CDH13: variants seen among roughly 807,000 people sequenced by gnomAD.
CDH13 encodes the protein cadherin-13.
Under a neutral mutation model 63.8 loss-of-function variants are expected in CDH13, and 24 were observed. That is an observed-to-expected ratio of 0.38 (90% CI 0.27 to 0.53). The LOEUF (loss-of-function observed/expected upper bound fraction) is 0.53, where lower values mean the gene tolerates loss of function less well. Among genes scored for constraint, CDH13 ranks in the 20% least tolerant of loss-of-function variants. The pLI, the probability that CDH13 is intolerant of heterozygous loss-of-function variation, is 0.85. For synonymous variants in CDH13, 503 were observed against 355.3 expected, an observed-to-expected ratio of 1.42 and a Z score of -4.67; for missense variants, 1,049 against 903.1, an observed-to-expected ratio of 1.16 and a Z score of -2.07.
intron 5 of CDH13, among the ~76,000 whole-genome samples, chr16:83,273,034 A>G (rs2088873293): frequency 6.6e-6 from 1 of 152,178 alleles, no homozygotes; most frequent in South Asian, 2.1e-4. Context: ...TGCCTACACA[A>G]CAGGCTTTTG....
intron 5 of CDH13, among the ~76,000 whole-genome samples, chr16:83,246,336 G>T (rs758021043): frequency 6.6e-6 from 1 of 151,970 alleles, no homozygotes; most frequent in African/African-American, 2.4e-5. Context: ...ATTCAGGGGG[G>T]GTCTGTGATT....
chr16:83,025,575 C>G (rs1915724748), intron 2 of CDH13, among the ~76,000 whole-genome samples: 1 of 152,256 alleles, frequency 6.6e-6, no homozygotes, highest in South Asian at 2.1e-4. Flanking sequence ...TCCCATGACA[C>G]ACGGGAGTTA....
At chr16:83,782,459 G>T (rs535138634) in intron 12 of CDH13, among the ~76,000 whole-genome samples, 13 of 152,208 alleles carry the variant, frequency 8.5e-5, no homozygotes, top group Middle Eastern at 3.4e-3. Flanking sequence ...AACAAGGCTG[G>T]ACTCAGTGGC....
chr16:83,172,749 C>A (rs576524778), intron 4 of CDH13, among the ~76,000 whole-genome samples: 1 of 151,932 alleles, frequency 6.6e-6, no homozygotes, highest in Non-Finnish European at 1.5e-5. Flanking sequence ...CATAACAGCC[C>A]TAACAAACAA....
intron 6 of CDH13, among the ~76,000 whole-genome samples, chr16:83,420,328 G>C (rs1294063462): frequency 6.6e-6 from 1 of 152,160 alleles, no homozygotes; most frequent in Admixed American, 6.5e-5. Flanking sequence ...ACACAAATTT[G>C]GGAGATTCGA....
At chr16:83,110,322 A>C (rs2034996477) in intron 3 of CDH13, among the ~76,000 whole-genome samples, 1 of 152,198 alleles carries the variant, frequency 6.6e-6, no homozygotes, top group Non-Finnish European at 1.5e-5. Flanking sequence ...ATGAAAAGCT[A>C]CAGGGTAGCT....
chr16:83,170,992 G>A (rs1039421013), intron 4 of CDH13, among the ~76,000 whole-genome samples: 36 of 151,726 alleles, frequency 2.4e-4, no homozygotes, highest in African/African-American at 6.8e-4. Flanking sequence ...TTACCCGCCC[G>A]CCTCCTTTTT....
chr16:82,902,065 A>C (rs1443761861), intron 2 of CDH13, among the ~76,000 whole-genome samples: 1 of 152,212 alleles, frequency 6.6e-6, no homozygotes, highest in African/African-American at 2.4e-5. Flanking sequence ...GTCTCATTTC[A>C]AAACTTGGGC....
chr16:83,719,842 C>T (rs1173106397), intron 10 of CDH13, among the ~76,000 whole-genome samples: 1 of 152,156 alleles, frequency 6.6e-6, no homozygotes, highest in Non-Finnish European at 1.5e-5. Context: ...TCAGTTGGCC[C>T]CACTCACTGT....
rs996442926 is a variant in CDH13, at chr16:83,535,335, A to G, written c.960+48680A>G. On this transcript the variant is annotated intron_variant, in intron 7 of 13. Transcript: ENST00000567109. ...AAAGAGATACCACTAAAGAATCTCA[A>G]AAAAAGGAGTGATAAGTTGATTGGC... 9.8e-5 allele frequency among the ~76,000 whole-genome samples: 15 copies of G among 152,364 alleles called. 1 individual carries two copies. Among genetic ancestry groups the G allele is most frequent in the Admixed American group, 7.2e-4 (11 of 15,310 alleles).
chr16:82,815,151 G>A (rs1424063090), intron 1 of CDH13, among the ~76,000 whole-genome samples: 3 of 152,112 alleles, frequency 2.0e-5, no homozygotes, highest in Non-Finnish European at 4.4e-5. Context: ...AGGGTACTTA[G>A]AAAGTACTGC....
At chr16:83,408,869 T>G (rs867430906) in intron 6 of CDH13, among the ~76,000 whole-genome samples, 1 of 152,098 alleles carries the variant, frequency 6.6e-6, no homozygotes, top group South Asian at 2.1e-4. Context: ...TGCAGGAGAC[T>G]TGGTAAGGAG....
chr16:83,019,495 CTT>C (rs769273795), intron 2 of CDH13, among the ~76,000 whole-genome samples: 61 of 132,260 alleles, frequency 4.6e-4, no homozygotes, highest in Middle Eastern at 7.8e-3. Flanking sequence ...TTAACATTTT[CTT>C]TTTTTTTTTT....
At chr16:82,976,454 T>C (rs1909521091) in intron 2 of CDH13, among the ~76,000 whole-genome samples, 2 of 152,210 alleles carry the variant, frequency 1.3e-5, no homozygotes, top group Non-Finnish European at 2.9e-5. Flanking sequence ...GTTATCCTCA[T>C]GCTTTTCCAT....
chr16:83,076,323 T>G (rs926784911), intron 3 of CDH13, among the ~76,000 whole-genome samples: 1 of 152,226 alleles, frequency 6.6e-6, no homozygotes, highest in Non-Finnish European at 1.5e-5. Flanking sequence ...CTAAGTATTG[T>G]AAGTGTCTGG....
At chr16:82,733,861 C>T (rs1406090323) in intron 1 of CDH13, among the ~76,000 whole-genome samples, 1 of 152,204 alleles carries the variant, frequency 6.6e-6, no homozygotes, top group Non-Finnish European at 1.5e-5. Flanking sequence ...TTCTTGCATT[C>T]AGCAAATAAG....
At chr16:83,644,443 C>G (rs1911600310) in intron 8 of CDH13, among the ~76,000 whole-genome samples, 1 of 152,186 alleles carries the variant, frequency 6.6e-6, no homozygotes, top group Non-Finnish European at 1.5e-5. Context: ...GAATGTACAT[C>G]TTCACGTACA....
chr16:83,186,650 T>A (rs924318491), intron 4 of CDH13, among the ~76,000 whole-genome samples: 1 of 152,220 alleles, frequency 6.6e-6, no homozygotes, highest in East Asian at 1.9e-4. Context: ...TCGTCAGGGT[T>A]GAGAACCACT....
At position 82,761,017 on chromosome 16, in the gene CDH13, C is replaced by CTTTTTTTTTTTTTTTTTTTT. The variant is rs35038319; in HGVS notation, c.46-97335_46-97316dup. Among the ~76,000 whole-genome samples the CTTTTTTTTTTTTTTTTTTTT allele has an allele frequency of 8.7e-3, 353 of 40,486 alleles. 100 individuals carry two copies. Among genetic ancestry groups the CTTTTTTTTTTTTTTTTTTTT allele is most frequent in the Non-Finnish European group, 0.012 (257 of 21,892 alleles). 26.6% of individuals were successfully genotyped at this position (40,486 alleles called of 152,430 possible). ...CTCTGGGGTTCACATTTCTTTCTTTCTTTTTTTTTTTTTTTTTTTTTTTTT... is the reference window on the plus strand; with the variant it reads ...CTCTGGGGTTCACATTTCTTTCTTTCTTTTTTTTTTTTTTTTTTTTTTTTTTTTTTTTTTTTTTTTTTTTT... On this transcript the variant is annotated intron_variant, in intron 1 of 13. Coordinates refer to ENST00000567109, the MANE Select transcript of CDH13 (RefSeq NM_001257.5).
Sources: allele counts gnomAD v4.1 joint callset (sites outside exome capture counted in the v4.1 genomes callset), GRCh38; gene constraint gnomAD v4.1.1; transcripts MANE v1.5; gene names NCBI Gene and HGNC (gene_info 2026-07-23, HGNC 2026-07-21).